The following CTNNA2 variants were observed in gnomAD, a reference collection of about 807,000 sequenced individuals.
CTNNA2 encodes catenin alpha 2, also known as catenin alpha-2.
Under a neutral mutation model 101.0 loss-of-function variants are expected in CTNNA2, and 42 were observed. That is an observed-to-expected ratio of 0.42 (90% CI 0.32 to 0.54). CTNNA2 has a LOEUF of 0.54. Ranked by LOEUF, CTNNA2 falls within the 20% of genes least tolerant of loss-of-function variation. The probability of loss-of-function intolerance (pLI) is 0.14; values close to 1 mark genes in which losing one functional copy is unlikely to be tolerated. For synonymous variants in CTNNA2, 450 were observed against 456.4 expected (o/e 0.99, Z 0.18); for missense variants, 871 against 1,223.1 (o/e 0.71, Z 4.29).
chr2:80,082,519 A>G (rs2148806275), intron 7 of CTNNA2, among the ~76,000 whole-genome samples: 1 of 152,288 alleles, frequency 6.6e-6, no homozygotes, highest in Admixed American at 6.5e-5. Context: ...CTTTTTACTT[A>G]CAGGTTCTTG....
At chr2:79,430,260 G>A (rs6751188) in intron 4 of CTNNA2, among the ~76,000 whole-genome samples, 48,415 of 151,926 alleles carry the variant, frequency 0.32, 7,846 homozygotes, top group South Asian at 0.44. Context: ...TCAAAGGCCC[G>A]AGGGACAAAA....
chr2:80,015,314 G>A (rs1219016844), intron 7 of CTNNA2, among the ~76,000 whole-genome samples: 1 of 152,096 alleles, frequency 6.6e-6, no homozygotes, highest in African/African-American at 2.4e-5. Flanking sequence ...CCAACCCAAT[G>A]CTATAATTGA....
At chr2:79,410,692 T>C (rs1362285195) in intron 4 of CTNNA2, among the ~76,000 whole-genome samples, 2 of 149,558 alleles carry the variant, frequency 1.3e-5, no homozygotes, top group Non-Finnish European at 1.5e-5. Flanking sequence ...AGCTGCTGGA[T>C]TCGGTTTGCC....
intron 7 of CTNNA2, among the ~76,000 whole-genome samples, chr2:80,131,908 C>G (rs1187500388): frequency 6.6e-6 from 1 of 152,018 alleles, no homozygotes; most frequent in Non-Finnish European, 1.5e-5. Context: ...TGGTGAAACC[C>G]CATCTCTACT....
At chr2:79,528,543 A>C (rs967972221) in intron 1 of CTNNA2, among the ~76,000 whole-genome samples, 2 of 152,278 alleles carry the variant, frequency 1.3e-5, no homozygotes, top group Middle Eastern at 3.4e-3. Context: ...ACACTTTAAA[A>C]TGGTAAATAT....
rs189025888 is a variant in CTNNA2 at position 80,575,383 on chromosome 2, T to C, written c.1893+1069T>C. The C allele has an allele frequency of 1.1e-4, 16 of 152,262 alleles. No homozygotes were observed. In the East Asian group the frequency reaches 3.1e-3, roughly 29 times the overall value. 9.4% of individuals were successfully genotyped at this position (152,262 alleles called of 1,614,324 possible). On this transcript the variant is annotated intron_variant, in intron 13 of 18. Transcript: ENST00000402739. ...TTTGTGGCACACTATGGTGTTTTGTTTGGCACGGAGCCTAAATCTTTCTCT... is the reference window on the plus strand; with the variant it reads ...TTTGTGGCACACTATGGTGTTTTGTCTGGCACGGAGCCTAAATCTTTCTCT...
intron 4 of CTNNA2, among the ~76,000 whole-genome samples, chr2:79,438,263 C>G (rs916781460): frequency 1.3e-5 from 2 of 152,154 alleles, no homozygotes; most frequent in African/African-American, 4.8e-5. Context: ...GCTTTTCCAG[C>G]TCCTTGGCAT....
intron 2 of CTNNA2, among the ~76,000 whole-genome samples, chr2:79,742,682 G>A (rs200336909): frequency 6.6e-6 from 1 of 152,194 alleles, no homozygotes; most frequent in East Asian, 1.9e-4. Context: ...GCACTGAAAA[G>A]ATTACAACGT....
chr2:79,412,928 C>T (rs1026108237), intron 4 of CTNNA2, among the ~76,000 whole-genome samples: 1 of 152,072 alleles, frequency 6.6e-6, no homozygotes, highest in Admixed American at 6.6e-5. Flanking sequence ...AGGTCAACCA[C>T]TCTTTTAGTA....
intron 4 of CTNNA2, among the ~76,000 whole-genome samples, chr2:79,868,111 A>G (rs1574177126): frequency 6.6e-6 from 1 of 152,148 alleles, no homozygotes; most frequent in East Asian, 1.9e-4. Context: ...TCCTTTTTCA[A>G]CTGTACTTCC....
At chr2:80,365,477 A>G (rs2149324141) in intron 7 of CTNNA2, among the ~76,000 whole-genome samples, 1 of 152,190 alleles carries the variant, frequency 6.6e-6, no homozygotes, top group South Asian at 2.1e-4. Context: ...AAATGTACTC[A>G]TCAAAATGAG....
intron 6 of CTNNA2, among the ~76,000 whole-genome samples, chr2:79,887,159 C>T (rs1161717778): frequency 1.3e-5 from 2 of 151,856 alleles, no homozygotes; most frequent in African/African-American, 4.8e-5. Flanking sequence ...CAGTGGCTGC[C>T]GGGGGGAGAA....
At chr2:79,413,176 G>A (rs142134006) in intron 4 of CTNNA2, among the ~76,000 whole-genome samples, 2 of 151,868 alleles carry the variant, frequency 1.3e-5, no homozygotes, top group African/African-American at 4.8e-5. Flanking sequence ...TTGCAGGGGT[G>A]GCTGGGGAGG....
chr2:80,471,364 A>G (rs1053718558), intron 9 of CTNNA2, among the ~76,000 whole-genome samples: 4 of 152,212 alleles, frequency 2.6e-5, no homozygotes, highest in Non-Finnish European at 5.9e-5. Context: ...TTTGTTTGTG[A>G]AGAAAAGCTG....
chr2:80,620,838 C>A (rs1671046178), intron 18 of CTNNA2, among the ~76,000 whole-genome samples: 1 of 151,984 alleles, frequency 6.6e-6, no homozygotes, highest in Non-Finnish European at 1.5e-5. Context: ...CCTTGGGACA[C>A]AATCATCTTT....
At chr2:79,242,985 T>TACAC (rs1345425334) in intron 2 of CTNNA2, among the ~76,000 whole-genome samples, 4 of 50,358 alleles carry the variant, frequency 7.9e-5, no homozygotes, top group African/African-American at 1.6e-4. Context: ...TATATATATA[T>TACAC]ATATATATAC....
At chr2:79,472,177 T>C (rs1043309244) in intron 4 of CTNNA2, among the ~76,000 whole-genome samples, 2 of 152,174 alleles carry the variant, frequency 1.3e-5, no homozygotes, top group African/African-American at 4.8e-5. Context: ...ATAGAAGATA[T>C]AGGAAAGAAG....
intron 7 of CTNNA2, among the ~76,000 whole-genome samples, chr2:80,056,539 G>C (rs1288080589): frequency 2.0e-5 from 3 of 152,170 alleles, no homozygotes; most frequent in Non-Finnish European, 4.4e-5. Flanking sequence ...GAAAGATAGG[G>C]ATCAAGCCTC....
chr2:79,578,636 C>A (rs1364878941), intron 1 of CTNNA2, among the ~76,000 whole-genome samples: 1 of 151,138 alleles, frequency 6.6e-6, no homozygotes, highest in Admixed American at 6.6e-5. Flanking sequence ...AGACTATTTT[C>A]TCCCAGTTCA....
Sources: gnomAD v4.1 joint callset for allele counts (sites outside exome capture counted in the v4.1 genomes callset) on GRCh38, gnomAD v4.1.1 for gene constraint, MANE v1.5 for transcripts, NCBI Gene and HGNC (gene_info 2026-07-23, HGNC 2026-07-21) for gene names.